Variants in C6orf58 observed in about 807,000 individuals in gnomAD.
The protein encoded by C6orf58 is chromosome 6 open reading frame 58.
In C6orf58, 30 loss-of-function variants were observed where a neutral mutation model predicts 37.0. The observed-to-expected ratio is 0.81, with a 90% CI of 0.61 to 1.10. The LOEUF is 1.10. Among genes scored for constraint, C6orf58 ranks in the 50% least tolerant of loss-of-function variants. The probability of loss-of-function intolerance (pLI) is 0.00; values close to 1 mark genes in which losing one functional copy is unlikely to be tolerated. For missense variants in C6orf58, 368 were observed against 387.5 expected, an observed-to-expected ratio of 0.95 and a Z score of 0.42; for synonymous variants, 143 against 134.1, an observed-to-expected ratio of 1.07 and a Z score of -0.46.
chr6:127,584,280 A>G (rs1328436490), intron 4 of C6orf58, among the ~76,000 whole-genome samples: 1 of 152,202 alleles, frequency 6.6e-6, no homozygotes, highest in African/African-American at 2.4e-5. Flanking sequence ...TGAGGTTTTT[A>G]TTGCCTTACC....
At chr6:127,577,847 A>T (rs72962405) in intron 1 of C6orf58, among the ~76,000 whole-genome samples, 3 of 152,282 alleles carry the variant, frequency 2.0e-5, no homozygotes, top group Non-Finnish European at 2.9e-5. Flanking sequence ...ATACAAAGTG[A>T]TGTCCAATTA....
chr6:127,582,460 T>G (rs1165675936), intron 4 of C6orf58, among the ~76,000 whole-genome samples: 1 of 152,238 alleles, frequency 6.6e-6, no homozygotes, highest in East Asian at 1.9e-4. Flanking sequence ...ATGAATTTAC[T>G]TAAGTACAGG....
intron 4 of C6orf58, among the ~76,000 whole-genome samples, chr6:127,584,635 G>A (rs1395237991): frequency 6.6e-6 from 1 of 152,000 alleles, no homozygotes; most frequent in Non-Finnish European, 1.5e-5. Context: ...TTAGCCAGGC[G>A]TGGTGTTGCA....
intron 4 of C6orf58, among the ~76,000 whole-genome samples, chr6:127,583,651 G>A (rs1775073586): frequency 6.6e-6 from 1 of 152,102 alleles, no homozygotes; most frequent in South Asian, 2.1e-4. Context: ...AAAAGAGCTT[G>A]GTGTGGTACC....
rs777723223 is a variant in C6orf58, at chr6:127,580,267, T to G, written c.391T>G (p.Leu131Val). 6.2e-7 allele frequency: 1 copy of G among 1,607,316 alleles called. No homozygotes were observed. Among genetic ancestry groups the G allele is most frequent in the East Asian group, 2.2e-5 (1 of 44,780 alleles). The part of the protein sequence containing the change: ...CISVDSWWAD[L>V]NYFLSSLPFL... ...TAGTAAATCTTTTGTTCTTACAGAT[T>G]TGAATTATTTTCTGTCTTCATTACC... Residue 131 changes from leucine to valine, a missense_variant and splice_region_variant, in exon 3 of 6, where the codon TTG (leucine) becomes GTG (valine). Coordinates refer to ENST00000329722, the MANE Select transcript of C6orf58 (RefSeq NM_001010905.3).
chr6:127,584,354 A>T (rs1020807997), intron 4 of C6orf58, among the ~76,000 whole-genome samples: 2 of 152,182 alleles, frequency 1.3e-5, no homozygotes, highest in Non-Finnish European at 2.9e-5. Context: ...CACTCCACCA[A>T]TATTTTCCTC....
At chr6:127,587,816 T>C (rs1360930072) in intron 4 of C6orf58, among the ~76,000 whole-genome samples, 1 of 152,250 alleles carries the variant, frequency 6.6e-6, no homozygotes. Context: ...CTTAACGTAC[T>C]GCTGGCATAT....
chr6:127,591,537 T>C lies in C6orf58; in HGVS notation c.914-6T>C. 2.0e-6 allele frequency: 3 copies of C among 1,517,856 alleles called. No homozygotes were observed. The highest frequency in any genetic ancestry group is 2.6e-6 in the Non-Finnish European group (3 of 1,141,558). The allele number at this position is 1,517,856 out of a possible 1,614,324, so 94.0% of individuals were successfully genotyped here. On this transcript the variant is annotated splice_region_variant and splice_polypyrimidine_tract_variant and intron_variant, in intron 5 of 5. Coordinates refer to ENST00000329722, the MANE Select transcript of C6orf58 (RefSeq NM_001010905.3). The stretch of plus-strand genomic sequence containing the variant: ...TTTACATGTAATCATTTTGTATCTT[T>C]TACAGGTTATCTTTGTACAGAAAAA...
At position 127,590,217 on chromosome 6, in the gene C6orf58, C is replaced by T. The variant is rs527828175; in HGVS notation, c.805C>T (p.Arg269Ter). Reference sequence around the variant, plus strand: ...TAAGTTCCAGAAGGGCATGCCACCACGAATTCTTCTTAATACTGATGTAGC... The same window carrying T: ...TAAGTTCCAGAAGGGCATGCCACCATGAATTCTTCTTAATACTGATGTAGC... ...SYKFQKGMPP[R>*]ILLNTDVAPF... is the part of the protein sequence containing the mutation. Residue 269 changes from arginine to a stop codon, truncating the protein, a stop_gained, in exon 5 of 6, where the codon CGA (arginine) becomes TGA (stop). Transcript: ENST00000329722. LOFTEE classifies it high-confidence loss of function. 14 of 1,613,696 alleles carry T rather than the reference C, an allele frequency of 8.7e-6. No homozygotes were observed. Among genetic ancestry groups the T allele is most frequent in the South Asian group, 5.5e-5 (5 of 91,062 alleles).
chr6:127,582,937 G>T (rs1312715469), intron 4 of C6orf58, among the ~76,000 whole-genome samples: 1 of 152,184 alleles, frequency 6.6e-6, no homozygotes, highest in Non-Finnish European at 1.5e-5. Flanking sequence ...ATAGTCTCCT[G>T]TGTGAGATGC....
At chr6:127,581,303 T>C in intron 4 of C6orf58, 21 bp downstream of exon 4, 1 of 1,084,276 alleles carries the variant, frequency 9.2e-7, no homozygotes. Flanking sequence ...ATCTTTAAAG[T>C]ATCTCTATTT....
intron 4 of C6orf58, 146 bp from the exon 5 acceptor site, chr6:127,589,941 A>T: frequency 1.6e-6 from 1 of 621,034 alleles, no homozygotes; most frequent in East Asian, 2.7e-5. Flanking sequence ...GGGATGGAAT[A>T]AAGTCATCAC....
At chr6:127,582,165 T>C (rs959849323) in intron 4 of C6orf58, among the ~76,000 whole-genome samples, 1 of 152,142 alleles carries the variant, frequency 6.6e-6, no homozygotes, top group African/African-American at 2.4e-5. Context: ...AGTTGACTGA[T>C]TATTTATGTT....
intron 2 of C6orf58, among the ~76,000 whole-genome samples, chr6:127,578,997 G>A (rs748085459): frequency 2.0e-5 from 3 of 152,056 alleles, no homozygotes; most frequent in Non-Finnish European, 4.4e-5. Context: ...ACAGAAGGAC[G>A]AAAACAAGGT....
chr6:127,587,555 C>T (rs1283509572), intron 4 of C6orf58, among the ~76,000 whole-genome samples: 1 of 152,136 alleles, frequency 6.6e-6, no homozygotes, highest in East Asian at 1.9e-4. Context: ...GAGGTCTCTG[C>T]TTTGTCAAGG....
At chr6:127,580,160 T>C (rs975604974) in intron 2 of C6orf58, 105 bp from the exon 3 acceptor site, 5 of 760,842 alleles carry the variant, frequency 6.6e-6, no homozygotes, top group African/African-American at 5.3e-5. Flanking sequence ...GCTTTTATAA[T>C]GTTTCTGGGT....
intron 4 of C6orf58, among the ~76,000 whole-genome samples, chr6:127,581,732 C>G (rs1775053048): frequency 6.6e-6 from 1 of 152,102 alleles, no homozygotes; most frequent in African/African-American, 2.4e-5. Flanking sequence ...GTGATGTGGG[C>G]AGGCAGTATT....
At chr6:127,578,831 C>T in intron 2 of C6orf58, 59 bp downstream of exon 2, 1 of 1,268,468 alleles carries the variant, frequency 7.9e-7, no homozygotes, top group Non-Finnish European at 1.1e-6. Flanking sequence ...AGCATTCAAA[C>T]CTAAAATCTT....
intron 5 of C6orf58, among the ~76,000 whole-genome samples, chr6:127,590,824 T>C (rs1775154789): frequency 6.6e-6 from 1 of 152,058 alleles, no homozygotes; most frequent in Non-Finnish European, 1.5e-5. Context: ...CTGGATCTTC[T>C]AGTGAGGTAA....
Sources: gnomAD v4.1 joint callset for allele counts (sites outside exome capture counted in the v4.1 genomes callset) on GRCh38, gnomAD v4.1.1 for gene constraint, MANE v1.5 for transcripts, NCBI Gene and HGNC (gene_info 2026-07-23, HGNC 2026-07-21) for gene names.